The following FBXL20 variants were observed in gnomAD, a reference collection of about 807,000 sequenced individuals.
FBXL20 encodes F-box/LRR-repeat protein 20.
Under a neutral mutation model 64.0 loss-of-function variants are expected in FBXL20, and 11 were observed. The observed-to-expected ratio is 0.17, with a 90% CI of 0.11 to 0.28. FBXL20 has a LOEUF of 0.28. Ranked by LOEUF, FBXL20 falls within the 10% of genes least tolerant of loss-of-function variation. The pLI is 1.00. For synonymous variants in FBXL20, 184 were observed against 189.0 expected (o/e 0.97, Z 0.22); for missense variants, 303 against 526.2 (o/e 0.58, Z 4.15).
chr17:39,368,906 C>A (rs1305060403), intron 1 of FBXL20, among the ~76,000 whole-genome samples: 2 of 152,100 alleles, frequency 1.3e-5, no homozygotes. Flanking sequence ...CTGCCCACTT[C>A]GGCCTCCCAA....
upstream of FBXL20, chr17:39,401,982 C>CA: frequency 2.1e-6 from 1 of 471,408 alleles, no homozygotes; most frequent in East Asian, 3.5e-5. Context: ...AGCAGTACCG[C>CA]ACTCTGCGCG....
chr17:39,268,926 G>A, intron 11 of FBXL20, 55 bp from the exon 12 acceptor site: 1 of 1,513,852 alleles, frequency 6.6e-7, no homozygotes, highest in Non-Finnish European at 9.1e-7. Context: ...TAAAACATGA[G>A]AAACTTTTAA....
chr17:39,356,092 T>TA (rs1280262930), intron 1 of FBXL20, among the ~76,000 whole-genome samples: 1 of 146,154 alleles, frequency 6.8e-6, no homozygotes, highest in Non-Finnish European at 1.5e-5. Flanking sequence ...CATCCACCTG[T>TA]AATCCCCTGC....
intron 1 of FBXL20, among the ~76,000 whole-genome samples, chr17:39,343,926 C>T (rs1597809343): frequency 1.3e-5 from 2 of 151,858 alleles, no homozygotes; most frequent in South Asian, 4.2e-4. Flanking sequence ...TGCAGTGGTG[C>T]GATCTCGGCT....
chr17:39,340,728 TAA>T (rs972677798), intron 2 of FBXL20, among the ~76,000 whole-genome samples: 1 of 152,028 alleles, frequency 6.6e-6, no homozygotes, highest in African/African-American at 2.4e-5. Context: ...AAAAGCCTAA[TAA>T]AAAGTCAGTT....
At chr17:39,320,119 A>AT (rs1298895665) in intron 2 of FBXL20, among the ~76,000 whole-genome samples, 94 of 152,222 alleles carry the variant, frequency 6.2e-4, no homozygotes, top group African/African-American at 2.2e-3. Flanking sequence ...TCTTATATAA[A>AT]CTAGTTTTGT....
intron 1 of FBXL20, among the ~76,000 whole-genome samples, chr17:39,354,005 A>G (rs2047712839): frequency 6.6e-6 from 1 of 152,148 alleles, no homozygotes; most frequent in South Asian, 2.1e-4. Flanking sequence ...TGTACTTAAC[A>G]CTACTGAACT....
At chr17:39,263,023 T>C (rs559730229) in intron 14 of FBXL20, among the ~76,000 whole-genome samples, 1 of 151,184 alleles carries the variant, frequency 6.6e-6, no homozygotes, top group African/African-American at 2.4e-5. Context: ...ACAAAAAACT[T>C]CTTTTTCTAG....
chr17:39,314,795 CTT>C (rs59955109), intron 2 of FBXL20, among the ~76,000 whole-genome samples: 33 of 125,916 alleles, frequency 2.6e-4, no homozygotes, highest in Non-Finnish European at 2.8e-4. Flanking sequence ...ATATCCTTTT[CTT>C]TTTTTTTTTT....
At chr17:39,308,855 G>A (rs190480608) in intron 2 of FBXL20, among the ~76,000 whole-genome samples, 8 of 152,028 alleles carry the variant, frequency 5.3e-5, no homozygotes, top group Admixed American at 5.2e-4. Context: ...GTGAGCCACC[G>A]CACCTGGCCT....
intron 2 of FBXL20, among the ~76,000 whole-genome samples, chr17:39,334,432 TC>T (rs1334800545): frequency 2.7e-5 from 4 of 146,096 alleles, no homozygotes; most frequent in African/African-American, 1.0e-4. Flanking sequence ...CCTTGCCAAA[TC>T]CCCCTCTCCG....
intron 2 of FBXL20, among the ~76,000 whole-genome samples, chr17:39,312,499 T>C (rs2047243986): frequency 6.9e-6 from 1 of 143,998 alleles, no homozygotes; most frequent in Non-Finnish European, 1.5e-5. Context: ...AGCACTTAAA[T>C]CCCTTCTACC....
intron 1 of FBXL20, among the ~76,000 whole-genome samples, chr17:39,378,944 T>G (rs1597830563): frequency 7.0e-6 from 1 of 143,556 alleles, no homozygotes; most frequent in Middle Eastern, 3.3e-3. Context: ...AAAACGAAAA[T>G]AGGCCAGGCA....
At position 39,333,486 on chromosome 17, in the gene FBXL20, G is replaced by A. The variant is rs564773725; in HGVS notation, c.104+9694C>T. 5.1e-4 allele frequency among the ~76,000 whole-genome samples: 78 copies of A among 152,274 alleles called. 1 individual carries two copies. The highest frequency in any genetic ancestry group is 7.8e-4 in the Non-Finnish European group (53 of 68,024). ...GGCTGGAGCGCAGTGGCGTGATCTC[G>A]GCTCGCTACAACCTCCACCTCCCAG... is the stretch of plus-strand genomic sequence containing the variant. On this transcript the variant is annotated intron_variant, in intron 2 of 14. Transcript: ENST00000264658.
intron 2 of FBXL20, among the ~76,000 whole-genome samples, chr17:39,336,172 T>C (rs1052798982): frequency 1.3e-5 from 2 of 152,024 alleles, no homozygotes; most frequent in East Asian, 3.9e-4. Flanking sequence ...ACCAAGAACA[T>C]TTGCTTAAAT....
At chr17:39,360,384 G>T (rs1326897527) in intron 1 of FBXL20, among the ~76,000 whole-genome samples, 1 of 152,104 alleles carries the variant, frequency 6.6e-6, no homozygotes, top group Non-Finnish European at 1.5e-5. Flanking sequence ...GCTTTACGTG[G>T]TACATCTTAT....
rs1284749537 is a variant in FBXL20, at chr17:39,253,725, T to TA, written c.*7734dup. On this transcript the variant is annotated 3_prime_UTR_variant, in exon 15 of 15. Coordinates refer to ENST00000264658, the MANE Select transcript of FBXL20 (RefSeq NM_032875.3). The stretch of plus-strand genomic sequence containing the variant: ...TTAACAGTCATCAGAGAAGCACAGA[T>TA]AAATTATTCTTAAGGGCAGGAAAAA... 1 of 152,246 alleles carries TA rather than the reference T, an allele frequency of 6.6e-6. No individual in the cohort carries two copies. Among genetic ancestry groups the TA allele is most frequent in the East Asian group, 1.9e-4 (1 of 5,308 alleles). The allele number at this position is 152,246 out of a possible 1,614,324, so 9.4% of individuals were successfully genotyped here.
intron 6 of FBXL20, among the ~76,000 whole-genome samples, chr17:39,288,504 G>T (rs752256183): frequency 3.9e-5 from 6 of 151,954 alleles, no homozygotes; most frequent in Non-Finnish European, 8.8e-5. Flanking sequence ...TAGAGTTGGA[G>T]TCTTGCCAGA....
At chr17:39,312,260 CA>C (rs2047241605) in intron 2 of FBXL20, among the ~76,000 whole-genome samples, 1 of 151,592 alleles carries the variant, frequency 6.6e-6, no homozygotes, top group African/African-American at 2.4e-5. Flanking sequence ...ACTAAACATA[CA>C]AAAATTAGCT....
Sources: gnomAD v4.1 joint callset for allele counts (sites outside exome capture counted in the v4.1 genomes callset) on GRCh38, gnomAD v4.1.1 for gene constraint, MANE v1.5 for transcripts, NCBI Gene and HGNC (gene_info 2026-07-23, HGNC 2026-07-21) for gene names.